MED15: variants seen among roughly 807,000 people sequenced by gnomAD.
MED15 encodes the protein mediator complex subunit 15, also known as mediator of RNA polymerase II transcription subunit 15.
Under a neutral mutation model 118.7 loss-of-function variants are expected in MED15, and 41 were observed. The ratio of observed to expected loss-of-function variants is 0.35; its 90% CI spans 0.27 to 0.45. The LOEUF (loss-of-function observed/expected upper bound fraction) is 0.45. Among genes scored for constraint, MED15 ranks in the 20% least tolerant of loss-of-function variants. The pLI, the probability that MED15 is intolerant of heterozygous loss-of-function variation, is 1.00. For missense variants in MED15, 740 were observed against 1,025.5 expected, an observed-to-expected ratio of 0.72 and a Z score of 3.80; for synonymous variants, 436 against 413.9, an observed-to-expected ratio of 1.05 and a Z score of -0.65.
intron 8 of MED15, among the ~76,000 whole-genome samples, chr22:20,570,776 T>TTTTG (rs2056633208): frequency 2.6e-5 from 3 of 113,502 alleles, no homozygotes; most frequent in Non-Finnish European, 5.6e-5. Context: ...TTTTTTTTTT[T>TTTTG]GACAGAGTCT....
intron 6 of MED15, 36 bp from the exon 7 acceptor site, chr22:20,566,431 T>C (rs779342236): frequency 2.5e-6 from 4 of 1,604,292 alleles, no homozygotes; most frequent in East Asian, 2.2e-5. Context: ...CAGAGGCAGA[T>C]GAGTGATAAC....
intron 1 of MED15, among the ~76,000 whole-genome samples, chr22:20,524,811 G>A (rs919043113): frequency 7.3e-5 from 11 of 149,964 alleles, no homozygotes; most frequent in African/African-American, 2.2e-4. Context: ...TAGTAGAGAC[G>A]GGATTTAGTA....
Position 20,537,078 on chromosome 22 carries a change from C to T in MED15, c.69-39C>T, listed in dbSNP as rs191935159. ...CCAGGGCCCTGCAGCGGTGGAGTCACTGGTGTGTGCAAACGTCTCTTCTCC... is the reference window on the plus strand; with the variant it reads ...CCAGGGCCCTGCAGCGGTGGAGTCATTGGTGTGTGCAAACGTCTCTTCTCC... On this transcript the variant is annotated intron_variant, in intron 1 of 17. Transcript: ENST00000263205. The T allele has an allele frequency of 7.6e-5, 121 of 1,590,524 alleles. No individual in the cohort carries two copies. In the African/African-American group the frequency reaches 1.4e-3, roughly 19 times the overall value.
intron 2 of MED15, among the ~76,000 whole-genome samples, chr22:20,547,195 A>T (rs1402161350): frequency 6.6e-6 from 1 of 152,244 alleles, no homozygotes; most frequent in Non-Finnish European, 1.5e-5. Flanking sequence ...CTAAACATTT[A>T]AGATTACCTT....
intron 7 of MED15, among the ~76,000 whole-genome samples, chr22:20,567,662 G>A (rs978179680): frequency 6.6e-6 from 1 of 152,102 alleles, no homozygotes; most frequent in Non-Finnish European, 1.5e-5. Flanking sequence ...GCCCTGGCAG[G>A]GTTTGCCCTA....
At chr22:20,561,229 G>T (rs1569222392) in intron 5 of MED15, among the ~76,000 whole-genome samples, 1 of 151,902 alleles carries the variant, frequency 6.6e-6, no homozygotes, top group Non-Finnish European at 1.5e-5. Flanking sequence ...CTTAGAAAAG[G>T]AAAGACAAAG....
chr22:20,515,424 A>G (rs182614225), intron 1 of MED15, among the ~76,000 whole-genome samples: 4 of 152,078 alleles, frequency 2.6e-5, no homozygotes, highest in African/African-American at 9.6e-5. Flanking sequence ...GTTTTGGGCC[A>G]CACATAAGAT....
chr22:20,531,225 C>T (rs1388086185), intron 1 of MED15, among the ~76,000 whole-genome samples: 1 of 152,128 alleles, frequency 6.6e-6, no homozygotes, highest in South Asian at 2.1e-4. Context: ...TAGTCTCATT[C>T]AGATTACAAG....
At chr22:20,529,037 C>T (rs1485204747) in intron 1 of MED15, among the ~76,000 whole-genome samples, 3 of 152,172 alleles carry the variant, frequency 2.0e-5, no homozygotes, top group African/African-American at 7.2e-5. Flanking sequence ...CGCACCCCCT[C>T]CTCACTGTTA....
intron 8 of MED15, among the ~76,000 whole-genome samples, chr22:20,571,455 A>G (rs1158259604): frequency 6.6e-6 from 1 of 152,240 alleles, no homozygotes; most frequent in African/African-American, 2.4e-5. Context: ...GGGATTCCCA[A>G]GTGCTAGTGG....
chr22:20,562,333 A>G (rs73159117), intron 5 of MED15, among the ~76,000 whole-genome samples: 17,173 of 152,210 alleles, frequency 0.11, 1,284 homozygotes, highest in Non-Finnish European at 0.15. Context: ...ATAAAAATAA[A>G]TCATAAAGCA....
At chr22:20,525,146 T>A (rs2054587652) in intron 1 of MED15, among the ~76,000 whole-genome samples, 1 of 151,880 alleles carries the variant, frequency 6.6e-6, no homozygotes, top group South Asian at 2.1e-4. Context: ...TAAAAAATAA[T>A]TTTAAAAAAT....
chr22:20,543,099 T>C (rs540293184), intron 2 of MED15, among the ~76,000 whole-genome samples: 2 of 150,836 alleles, frequency 1.3e-5, no homozygotes, highest in Non-Finnish European at 2.9e-5. Context: ...TCCCTCAATT[T>C]CTCTCTCTTC....
rs1367808660 is a variant in MED15 at position 20,583,177 on chromosome 22, C to A, written c.1602C>A (p.Asp534Glu). The change falls in exon 12 of 18, where the codon GAC (aspartate) becomes GAA (glutamate). Residue 534 changes from aspartate (D) to glutamate (E), a missense_variant. Transcript: ENST00000263205. ...SSQAEEQQYL[D>E]KLKQLSKYIE... ...AGGCTGAGGAGCAGCAGTACCTGGA[C>A]AAGCTGAAGCAGCTGTCGAAGTACA... is the stretch of plus-strand genomic sequence containing the variant. The A allele has an allele frequency of 1.1e-5, 18 of 1,611,116 alleles. No homozygotes were observed. Among genetic ancestry groups the A allele is most frequent in the Admixed American group, 1.7e-5 (1 of 59,972 alleles).
intron 13 of MED15, chr22:20,583,658 AGCCAGGGGCCCAGCT>A: frequency 4.2e-6 from 2 of 480,622 alleles, no homozygotes; most frequent in Non-Finnish European, 7.6e-6. Context: ...TCCAGTCAGC[AGCCAGGGGCCCAGCT>A]TGCAGTGGCC....
chr22:20,550,407 G>A (rs2055722386), intron 2 of MED15, among the ~76,000 whole-genome samples: 1 of 152,202 alleles, frequency 6.6e-6, no homozygotes, highest in African/African-American at 2.4e-5. Flanking sequence ...AAAAAGAAGT[G>A]GGGTAGAGTT....
At chr22:20,555,169 A>C (rs1421437885) in intron 5 of MED15, 21 bp downstream of exon 5, 6 of 1,556,612 alleles carry the variant, frequency 3.9e-6, no homozygotes, top group East Asian at 2.4e-5. Context: ...CACTTCTTGG[A>C]GGATTTGCCG....
chr22:20,558,269 C>G (rs2056096601), intron 5 of MED15, among the ~76,000 whole-genome samples: 1 of 152,086 alleles, frequency 6.6e-6, no homozygotes, highest in African/African-American at 2.4e-5. Flanking sequence ...ACACCTTTCC[C>G]AAAGACTACT....
intron 9 of MED15, among the ~76,000 whole-genome samples, chr22:20,579,677 G>A (rs1305254790): frequency 1.3e-5 from 2 of 152,180 alleles, no homozygotes; most frequent in African/African-American, 4.8e-5. Context: ...AGGCTGCTGT[G>A]TGGGTCCCTT....
Sources: gnomAD v4.1 joint callset for allele counts (sites outside exome capture counted in the v4.1 genomes callset) on GRCh38, gnomAD v4.1.1 for gene constraint, MANE v1.5 for transcripts, NCBI Gene and HGNC (gene_info 2026-07-23, HGNC 2026-07-21) for gene names.